Variants in L3MBTL4 observed in about 807,000 individuals in gnomAD.
The protein encoded by L3MBTL4 is lethal(3)malignant brain tumor-like protein 4.
A neutral mutation model predicts 84.5 loss-of-function variants in L3MBTL4; 70 were observed. The observed-to-expected ratio is 0.83, with a 90% CI of 0.68 to 1.01. L3MBTL4 has a LOEUF of 1.01. L3MBTL4 is among the 50% of genes least tolerant of loss of function. The pLI is 0.00. For synonymous variants in L3MBTL4, 274 were observed against 259.8 expected (o/e 1.05, Z -0.52); for missense variants, 715 against 754.8 (o/e 0.95, Z 0.62).
chr18:6,244,606 A>G lies in L3MBTL4; in HGVS notation c.220-18T>C. ...GACTGATCCTACAAAATTTCACGAC[A>G]TAACATTAGCCACTGAGATTTCATC... On this transcript the variant is annotated intron_variant, in intron 5 of 18. Coordinates refer to ENST00000317931, the MANE Select transcript of L3MBTL4 (RefSeq NM_001330559.2). The G allele has an allele frequency of 1.4e-5, 22 of 1,518,574 alleles. No homozygotes were observed. The highest frequency in any genetic ancestry group is 2.0e-5 in the Non-Finnish European group (22 of 1,093,502). 94.1% of individuals were successfully genotyped at this position (1,518,574 alleles called of 1,614,324 possible).
intron 10 of L3MBTL4, among the ~76,000 whole-genome samples, chr18:6,219,320 C>T (rs1157799171): frequency 2.6e-5 from 4 of 151,860 alleles, no homozygotes; most frequent in Non-Finnish European, 5.9e-5. Flanking sequence ...CTCTGGAGGC[C>T]AAGGCATAGA....
chr18:5,956,445 C>T, intron 18 of L3MBTL4, 58 bp from the exon 19 acceptor site: 1 of 1,524,208 alleles, frequency 6.6e-7, no homozygotes, highest in Non-Finnish European at 9.0e-7. Context: ...CCTGTTTACT[C>T]ACCAGTAACA....
chr18:6,135,288 G>A (rs1306700660), intron 14 of L3MBTL4, among the ~76,000 whole-genome samples: 1 of 152,146 alleles, frequency 6.6e-6, no homozygotes, highest in Admixed American at 6.5e-5. Context: ...GTGCCGTAAA[G>A]GTCCCTGACA....
At chr18:6,399,848 T>C (rs1026382657) in intron 1 of L3MBTL4, 4 of 152,238 alleles carry the variant, frequency 2.6e-5, no homozygotes, top group African/African-American at 9.6e-5. Context: ...AGTTTTTGAT[T>C]ACCTGAAAAA....
chr18:6,300,123 T>TA (rs986436065), intron 4 of L3MBTL4, among the ~76,000 whole-genome samples: 1 of 152,168 alleles, frequency 6.6e-6, no homozygotes, highest in African/African-American at 2.4e-5. Flanking sequence ...GCATCCTCAA[T>TA]AAAAAACTAA....
intron 1 of L3MBTL4, among the ~76,000 whole-genome samples, chr18:6,368,228 A>G (rs906464396): frequency 1.3e-5 from 2 of 151,938 alleles, no homozygotes; most frequent in Non-Finnish European, 1.5e-5. Flanking sequence ...TCCATGACTC[A>G]CAGTGAGGCG....
intron 14 of L3MBTL4, among the ~76,000 whole-genome samples, chr18:6,137,664 C>T (rs1412164062): frequency 1.3e-5 from 2 of 152,158 alleles, no homozygotes; most frequent in Non-Finnish European, 2.9e-5. Context: ...GAAGCAAAGG[C>T]TTACATATTT....
chr18:6,199,034 C>A (rs1196121251), intron 12 of L3MBTL4, among the ~76,000 whole-genome samples: 1 of 152,034 alleles, frequency 6.6e-6, no homozygotes, highest in Non-Finnish European at 1.5e-5. Flanking sequence ...TTTTTGATTT[C>A]TAAAGAGGGA....
chr18:6,319,254 G>T (rs921454425), intron 1 of L3MBTL4, among the ~76,000 whole-genome samples: 1 of 151,854 alleles, frequency 6.6e-6, no homozygotes, highest in Non-Finnish European at 1.5e-5. Context: ...GCTAGCAGAA[G>T]AAATGACAAA....
intron 12 of L3MBTL4, 111 bp from the exon 13 acceptor site, chr18:6,172,053 C>G: frequency 1.8e-6 from 1 of 552,878 alleles, no homozygotes; most frequent in South Asian, 2.5e-5. Flanking sequence ...TTTTATTGAT[C>G]ACACCTTGCA....
chr18:6,030,281 C>T lies in L3MBTL4; in HGVS notation c.1444+50600G>A, dbSNP rs988139605. 23 of 985,126 alleles carry T rather than the reference C, an allele frequency of 2.3e-5. No homozygotes were observed. In the Admixed American group the frequency reaches 6.1e-4, roughly 26 times the overall value. The allele number at this position is 985,126 out of a possible 1,614,324, so 61.0% of individuals were successfully genotyped here. A position where few individuals can be genotyped will look rare whatever the true frequency, so the allele number is the denominator to read the frequency against. ...ACCCCCTTATACCTGTTGAATTTTG[C>T]ACCAAATGCACAAATCAATAATATG... On this transcript the variant is annotated intron_variant, in intron 16 of 18. Coordinates refer to ENST00000317931, the MANE Select transcript of L3MBTL4 (RefSeq NM_001330559.2).
intron 16 of L3MBTL4, among the ~76,000 whole-genome samples, chr18:5,988,781 G>T (rs1371106664): frequency 6.6e-6 from 1 of 152,284 alleles, no homozygotes; most frequent in African/African-American, 2.4e-5. Flanking sequence ...GGCATCTGGC[G>T]ATGCCCATAC....
At chr18:6,115,790 T>A (rs2059338680) in intron 14 of L3MBTL4, among the ~76,000 whole-genome samples, 1 of 152,208 alleles carries the variant, frequency 6.6e-6, no homozygotes, top group African/African-American at 2.4e-5. Context: ...GGCCACGAAG[T>A]CGTCTTCAGA....
intron 1 of L3MBTL4, among the ~76,000 whole-genome samples, chr18:6,348,422 A>G (rs343242): frequency 6.6e-6 from 1 of 151,928 alleles, no homozygotes; most frequent in Non-Finnish European, 1.5e-5. Flanking sequence ...ACAGGCACCA[A>G]TGAAACAGAT....
intron 6 of L3MBTL4, 34 bp from the exon 7 acceptor site, chr18:6,243,463 G>T: frequency 6.5e-7 from 1 of 1,541,546 alleles, no homozygotes. Flanking sequence ...CATTCGTTAA[G>T]TGTCATATAT....
intron 1 of L3MBTL4, among the ~76,000 whole-genome samples, chr18:6,385,126 C>T (rs1291511994): frequency 2.0e-5 from 3 of 152,116 alleles, no homozygotes; most frequent in East Asian, 1.9e-4. Flanking sequence ...AAGGGGCAGG[C>T]CACAGTGGTT....
chr18:6,146,593 G>A (rs1489948922), intron 13 of L3MBTL4, among the ~76,000 whole-genome samples: 1 of 152,224 alleles, frequency 6.6e-6, no homozygotes, highest in Admixed American at 6.5e-5. Flanking sequence ...CCTGATGGAG[G>A]TTCACGGGAA....
chr18:6,125,143 G>A (rs1395507180), intron 14 of L3MBTL4, among the ~76,000 whole-genome samples: 1 of 143,112 alleles, frequency 7.0e-6, no homozygotes, highest in Non-Finnish European at 1.5e-5. Context: ...TCCTAAACTA[G>A]AAATTATTAA....
intron 18 of L3MBTL4, 94 bp from the exon 19 acceptor site, chr18:5,956,481 C>T: frequency 8.9e-7 from 1 of 1,119,114 alleles, no homozygotes; most frequent in Non-Finnish European, 1.3e-6. Context: ...TGATGTGGAA[C>T]CCGTCATAGC....
Sources: allele counts gnomAD v4.1 joint callset (sites outside exome capture counted in the v4.1 genomes callset), GRCh38; gene constraint gnomAD v4.1.1; transcripts MANE v1.5; gene names NCBI Gene and HGNC (gene_info 2026-07-23, HGNC 2026-07-21).